The following AFF1 variants were observed in gnomAD, a reference collection of about 807,000 sequenced individuals.
The protein encoded by AFF1 is ALF transcription elongation factor 1, also known as AF4/FMR2 family member 1.
Under a neutral mutation model 121.7 loss-of-function variants are expected in AFF1, and 48 were observed. The observed-to-expected ratio is 0.39, with a 90% CI of 0.31 to 0.50. AFF1 has a LOEUF of 0.50. AFF1 is among the 20% of genes least tolerant of loss of function. AFF1 has a pLI of 0.76. For missense variants in AFF1, 1,523 were observed against 1,511.7 expected (o/e 1.01, Z -0.12); for synonymous variants, 613 against 563.0 (o/e 1.09, Z -1.26).
chr4:87,132,669 C>G (rs1178802256), intron 19 of AFF1, among the ~76,000 whole-genome samples: 1 of 152,054 alleles, frequency 6.6e-6, no homozygotes, highest in Admixed American at 6.6e-5. Flanking sequence ...AATTTTTGAG[C>G]TTTGAGGTTT....
At chr4:87,066,538 A>G (rs576257590) in intron 4 of AFF1, among the ~76,000 whole-genome samples, 1 of 152,276 alleles carries the variant, frequency 6.6e-6, no homozygotes, top group Admixed American at 6.5e-5. Flanking sequence ...AGTGAGCTAT[A>G]TGATTGCACC....
At chr4:86,971,948 G>A in intron 2 of AFF1, among the ~76,000 whole-genome samples, 1 of 152,046 alleles carries the variant, frequency 6.6e-6, no homozygotes, top group East Asian at 1.9e-4. Context: ...ACCAGCCTGG[G>A]CAACAAAGTG....
At chr4:86,942,273 A>G (rs1720519930) in intron 1 of AFF1, among the ~76,000 whole-genome samples, 1 of 152,236 alleles carries the variant, frequency 6.6e-6, no homozygotes, top group Non-Finnish European at 1.5e-5. Context: ...ACCAGCCCAC[A>G]GGGAATGAGG....
Position 86,937,794 on chromosome 4 carries a change from T to TG in AFF1, c.-37+2560dup, listed in dbSNP as rs11323149. ...AGATGGCTTGGGGTGGGGGTGGGGG[T>TG]GGGGGGCTCCCTATGTTACCCAGGT... On this transcript the variant is annotated intron_variant, in intron 1 of 20. Transcript: ENST00000395146. Among the ~76,000 whole-genome samples the TG allele has an allele frequency of 5.0e-3, 674 of 133,788 alleles. 8 individuals carry two copies. Among genetic ancestry groups the TG allele is most frequent in the African/African-American group, 0.018 (632 of 34,342 alleles). 87.8% of individuals were successfully genotyped at this position (133,788 alleles called of 152,430 possible).
At chr4:87,031,710 A>G (rs780245683) in intron 2 of AFF1, among the ~76,000 whole-genome samples, 4 of 152,154 alleles carry the variant, frequency 2.6e-5, no homozygotes, top group Admixed American at 1.3e-4. Flanking sequence ...GGTCTTATAA[A>G]ATATAAATTG....
chr4:87,125,935 T>C (rs1016844647), intron 13 of AFF1, among the ~76,000 whole-genome samples, 164 bp from the exon 14 acceptor site: 5 of 152,196 alleles, frequency 3.3e-5, no homozygotes, highest in African/African-American at 7.2e-5. Context: ...TAGGGCTAGA[T>C]TTTTGAAATG....
At chr4:86,971,586 TAG>T (rs1722951530) in intron 2 of AFF1, among the ~76,000 whole-genome samples, 1 of 152,216 alleles carries the variant, frequency 6.6e-6, no homozygotes, top group African/African-American at 2.4e-5. Context: ...GCTGGTAAAT[TAG>T]AGTTTGCTTT....
chr4:87,133,515 T>C (rs1238505643), intron 19 of AFF1, among the ~76,000 whole-genome samples: 2 of 152,258 alleles, frequency 1.3e-5, no homozygotes, highest in African/African-American at 2.4e-5. Flanking sequence ...CATTGAGATA[T>C]TATTCTAAGC....
chr4:87,058,214 C>T (rs948093344), intron 4 of AFF1, among the ~76,000 whole-genome samples: 8 of 152,038 alleles, frequency 5.3e-5, no homozygotes, highest in Non-Finnish European at 1.2e-4. Flanking sequence ...AAACCTGGAC[C>T]CTGGCTCCTA....
intron 2 of AFF1, among the ~76,000 whole-genome samples, chr4:86,996,344 G>A (rs1725192780): frequency 6.6e-6 from 1 of 152,018 alleles, no homozygotes. Flanking sequence ...GTAGAAAGAG[G>A]TAGACATGGG....
intron 1 of AFF1, chr4:86,935,653 G>A (rs1036074836): frequency 6.6e-6 from 1 of 152,316 alleles, no homozygotes; most frequent in East Asian, 1.9e-4. Context: ...GGGGAAAAGT[G>A]GGGTTCTTCT....
chr4:87,113,089 G>A (rs80237802), intron 11 of AFF1, among the ~76,000 whole-genome samples: 2,831 of 152,322 alleles, frequency 0.019, 92 homozygotes, highest in African/African-American at 0.065. Context: ...CCGAGCTGGA[G>A]AGACGTGGTG....
intron 12 of AFF1, among the ~76,000 whole-genome samples, chr4:87,117,710 T>C (rs1727265081): frequency 2.0e-5 from 3 of 152,192 alleles, no homozygotes; most frequent in Non-Finnish European, 2.9e-5. Context: ...TTCAGGTAAA[T>C]AAATATAAAA....
intron 1 of AFF1, among the ~76,000 whole-genome samples, chr4:86,937,922 C>T (rs1244409018): frequency 6.6e-6 from 1 of 152,038 alleles, no homozygotes; most frequent in Non-Finnish European, 1.5e-5. Context: ...TCACTTTAGC[C>T]AGGTGATTGT....
At chr4:87,080,052 AAATT>A (rs937327767) in intron 4 of AFF1, among the ~76,000 whole-genome samples, 5 of 152,198 alleles carry the variant, frequency 3.3e-5, no homozygotes, top group African/African-American at 1.2e-4. Flanking sequence ...ATTTTTTTAA[AAATT>A]AAATATGGCT....
At chr4:87,070,249 G>T (rs1292875432) in intron 4 of AFF1, among the ~76,000 whole-genome samples, 2 of 152,200 alleles carry the variant, frequency 1.3e-5, no homozygotes, top group Non-Finnish European at 2.9e-5. Flanking sequence ...TGATCCACCT[G>T]TCTCGGCCTC....
At chr4:86,942,844 T>A (rs1287267397) in intron 1 of AFF1, among the ~76,000 whole-genome samples, 1 of 152,140 alleles carries the variant, frequency 6.6e-6, no homozygotes, top group Non-Finnish European at 1.5e-5. Flanking sequence ...AAAGTCAGAG[T>A]TCCTGATGCC....
chr4:86,957,481 C>A (rs989843806), intron 2 of AFF1, among the ~76,000 whole-genome samples: 3 of 152,150 alleles, frequency 2.0e-5, no homozygotes, highest in Non-Finnish European at 4.4e-5. Context: ...ACCTTCATAG[C>A]TGAGTATGTG....
intron 4 of AFF1, among the ~76,000 whole-genome samples, chr4:87,061,265 C>T (rs1413712874): frequency 6.6e-6 from 1 of 152,118 alleles, no homozygotes; most frequent in African/African-American, 2.4e-5. Context: ...GAGAGGAGAC[C>T]ACAGCAGTAA....
Sources: allele counts gnomAD v4.1 joint callset (sites outside exome capture counted in the v4.1 genomes callset), GRCh38; gene constraint gnomAD v4.1.1; transcripts MANE v1.5; gene names NCBI Gene and HGNC (gene_info 2026-07-23, HGNC 2026-07-21).